PHF3: variants seen among roughly 807,000 people sequenced by gnomAD.
PHF3 encodes the protein PHD finger protein 3.
Under a neutral mutation model 178.4 loss-of-function variants are expected in PHF3, and 41 were observed. That is an observed-to-expected ratio of 0.23 (90% confidence interval 0.18 to 0.30). The LOEUF (loss-of-function observed/expected upper bound fraction) is 0.30, where lower values mean the gene tolerates loss of function less well. Among genes scored for constraint, PHF3 ranks in the 10% least tolerant of loss-of-function variants. The pLI is 1.00. For synonymous variants in PHF3, 842 were observed against 800.5 expected (o/e 1.05, Z -0.88); for missense variants, 2,346 against 2,398.1 (o/e 0.98, Z 0.45).
intron 2 of PHF3, among the ~76,000 whole-genome samples, chr6:63,673,636 T>C (rs1745488133): frequency 6.6e-6 from 1 of 152,164 alleles, no homozygotes; most frequent in Non-Finnish European, 1.5e-5. Context: ...GCAAAACATG[T>C]TTTCTTCAAG....
intron 13 of PHF3, among the ~76,000 whole-genome samples, chr6:63,707,645 C>G (rs545690740): frequency 1.3e-5 from 2 of 151,112 alleles, no homozygotes; most frequent in South Asian, 4.2e-4. Flanking sequence ...CATTTATTCT[C>G]TATCTGCTGA....
At position 63,683,482 on chromosome 6, in the gene PHF3, A is replaced by T. The variant is rs527885661; in HGVS notation, c.407-647A>T. Among the ~76,000 whole-genome samples the T allele has an allele frequency of 4.6e-5, 7 of 152,082 alleles. No individual in the cohort carries two copies. In the East Asian group the frequency reaches 1.3e-3, roughly 29 times the overall value. The stretch of plus-strand genomic sequence containing the variant: ...AATTTTCATACTTTCCTTATGATAC[A>T]TTTGCTTGGTTTAAGTCTTTTAAAT... On this transcript the variant is annotated intron_variant, in intron 3 of 15. Transcript: ENST00000262043.
At chr6:63,702,699 T>G (rs1767526125) in intron 10 of PHF3, 60 bp downstream of exon 10, 1 of 1,482,960 alleles carries the variant, frequency 6.7e-7, no homozygotes, top group African/African-American at 1.4e-5. Context: ...AAAGGTTTAT[T>G]TGCCTAATGT....
Position 63,698,527 on chromosome 6 carries a change from T to G in PHF3, c.2904T>G (p.Ser968=). 6.2e-7 allele frequency: 1 copy of G among 1,602,604 alleles called. No homozygotes were observed. Among genetic ancestry groups the G allele is most frequent in the Non-Finnish European group, 8.5e-7 (1 of 1,175,646 alleles). ...VATKIEKELF[S]FFRDTDAKYK... ...CAAAAATTGAGAAAGAGCTTTTCTCTTTTTTTCGGGACACAGATGCTAAAT... is the reference window on the plus strand; with the variant it reads ...CAAAAATTGAGAAAGAGCTTTTCTCGTTTTTTCGGGACACAGATGCTAAAT... The change falls in exon 8 of 16, where the codon TCT becomes TCG. Residue 968 remains serine, a synonymous_variant. Coordinates refer to ENST00000262043, the MANE Select transcript of PHF3 (RefSeq NM_001370348.2).
chr6:63,699,892 C>G (rs1342735947), intron 8 of PHF3, among the ~76,000 whole-genome samples: 1 of 152,130 alleles, frequency 6.6e-6, no homozygotes, highest in East Asian at 1.9e-4. Context: ...CCCGGCCTCC[C>G]TCAGGTTTCT....
At chr6:63,663,801 C>T (rs868343648) in intron 2 of PHF3, among the ~76,000 whole-genome samples, 4 of 152,222 alleles carry the variant, frequency 2.6e-5, no homozygotes, top group South Asian at 2.1e-4. Flanking sequence ...TTCTACCTTG[C>T]GCTATTATGT....
chr6:63,693,467 T>G (rs573996616), intron 5 of PHF3, among the ~76,000 whole-genome samples: 1 of 152,098 alleles, frequency 6.6e-6, no homozygotes, highest in Non-Finnish European at 1.5e-5. Flanking sequence ...ATACAAAAAT[T>G]AGCCGAGCAT....
In PHF3 at chr6:63,725,205, G is replaced by A. The variant is rs949609675; in HGVS notation, c.*11497G>A. ...GAATCTCTGTAAGTAGTGTCTGATG[G>A]CATAAAAAAGGAAACTCTTGATTGT... is the stretch of plus-strand genomic sequence containing the variant. On this transcript the variant is annotated 3_prime_UTR_variant, in exon 16 of 16. Coordinates refer to ENST00000262043, the MANE Select transcript of PHF3 (RefSeq NM_001370348.2). 6.6e-6 allele frequency among the ~76,000 whole-genome samples: 1 copy of A among 152,018 alleles called. No homozygotes were observed. Among genetic ancestry groups the A allele is most frequent in the Admixed American group, 6.6e-5 (1 of 15,264 alleles).
Position 63,711,720 on chromosome 6 carries a change from C to A in PHF3, c.4132C>A (p.Pro1378Thr), listed in dbSNP as rs371600546. Reference protein sequence around the residue: ...PESAPPIALPPDKKSKIEVST... With the variant: ...PESAPPIALPTDKKSKIEVST... ...AAGTGCACCACCAATAGCATTGCCA[C>A]CTGATAAAAAAAGTAAAATAGAAGT... The change falls in exon 16 of 16, where the codon CCT becomes ACT. Residue 1378 changes from proline (P) to threonine (T), a missense_variant. Around this residue, in one of 8 missense-constraint regions of PHF3, gnomAD observed 839 missense variants for 806.9 expected, o/e 1.04. Coordinates refer to ENST00000262043, the MANE Select transcript of PHF3 (RefSeq NM_001370348.2). 125 of 1,613,730 alleles carry A rather than the reference C, an allele frequency of 7.7e-5. No individual in the cohort carries two copies. Among genetic ancestry groups the A allele is most frequent in the Non-Finnish European group, 1.0e-4 (119 of 1,179,904 alleles).
rs1768184721 is a variant in PHF3, at chr6:63,716,191, A to C, written c.*2483A>C. 6.6e-6 allele frequency among the ~76,000 whole-genome samples: 1 copy of C among 152,146 alleles called. No homozygotes were observed. Among genetic ancestry groups the C allele is most frequent in the South Asian group, 2.1e-4 (1 of 4,834 alleles). ...CTTAGAGCTGAGGAAACTGGAACTT[A>C]GAGAAGTTGGGAAACTTGGCCAGGT... On this transcript the variant is annotated 3_prime_UTR_variant, in exon 16 of 16. Coordinates refer to ENST00000262043, the MANE Select transcript of PHF3 (RefSeq NM_001370348.2).
At chr6:63,679,951 A>G (rs374757388) in intron 2 of PHF3, 49 bp from the exon 3 acceptor site, 23 of 1,477,560 alleles carry the variant, frequency 1.6e-5, no homozygotes, top group Non-Finnish European at 2.1e-5. Flanking sequence ...TTAATTGCCT[A>G]ACATTCCCAA....
chr6:63,667,103 C>A (rs1033745482), intron 2 of PHF3, among the ~76,000 whole-genome samples: 1 of 152,012 alleles, frequency 6.6e-6, no homozygotes, highest in African/African-American at 2.4e-5. Context: ...CCTTGGCCTT[C>A]GAAAGTGCTG....
chr6:63,720,892 CATGGTGCCAT>C lies in PHF3; in HGVS notation c.*7185_*7194del. 1 of 1,550,906 alleles carries C rather than the reference CATGGTGCCAT, an allele frequency of 6.4e-7. No homozygotes were observed. The highest frequency in any genetic ancestry group is 8.7e-7 in the Non-Finnish European group (1 of 1,146,416). ...AGAGTCTGATTTTGAATTACAACTA[CATGGTGCCAT>C]TTATTACAACAGAATGTGCCATTGT... On this transcript the variant is annotated 3_prime_UTR_variant, in exon 16 of 16. Transcript: ENST00000262043.
chr6:63,669,784 A>T (rs972030869), intron 2 of PHF3, among the ~76,000 whole-genome samples: 7 of 152,186 alleles, frequency 4.6e-5, no homozygotes, highest in East Asian at 3.8e-4. Flanking sequence ...AACAGGAAGC[A>T]TTTACTGACT....
Position 63,694,674 on chromosome 6 carries a change from T to A in PHF3, c.2590T>A (p.Leu864Ile). 1 of 1,602,872 alleles carries A rather than the reference T, an allele frequency of 6.2e-7. No homozygotes were observed. Among genetic ancestry groups the A allele is most frequent in the Non-Finnish European group, 8.5e-7 (1 of 1,173,984 alleles). Reference sequence around the variant, plus strand: ...TCTTCGTAAGATGGGACAACCAGTTTTACCTCGGAGATCCTCAGAAGAAAA... The same window carrying A: ...TCTTCGTAAGATGGGACAACCAGTTATACCTCGGAGATCCTCAGAAGAAAA... ...APLRKMGQPV[L>I]PRRSSEEKSE... Residue 864 changes from leucine to isoleucine, a missense_variant, in exon 6 of 16, where the codon TTA becomes ATA. Physicochemically the swap from Leu to Ile is conservative, Grantham distance 5. Around this residue, in one of 8 missense-constraint regions of PHF3, gnomAD observed 252 missense variants for 232.0 expected, o/e 1.09. Coordinates refer to ENST00000262043, the MANE Select transcript of PHF3 (RefSeq NM_001370348.2).
rs567505183 is a variant in PHF3 at position 63,648,460 on chromosome 6, CAT to C, written c.244+1666_244+1667del. ...GGTTATATTGGATGTGGAACTGACA[CAT>C]GTGTCATCTTGTTAGACTATTTTAC... On this transcript the variant is annotated intron_variant, in intron 2 of 15. Coordinates refer to ENST00000262043, the MANE Select transcript of PHF3 (RefSeq NM_001370348.2). Among the ~76,000 whole-genome samples, 371 of 152,290 alleles carry C rather than the reference CAT, an allele frequency of 2.4e-3. 1 individual carries two copies. Among genetic ancestry groups the C allele is most frequent in the African/African-American group, 8.2e-3 (342 of 41,558 alleles).
At chr6:63,656,517 GA>G (rs1362200245) in intron 2 of PHF3, among the ~76,000 whole-genome samples, 2 of 152,124 alleles carry the variant, frequency 1.3e-5, no homozygotes, top group Non-Finnish European at 2.9e-5. Flanking sequence ...GCTGTTACAA[GA>G]GACTTCTTTT....
chr6:63,710,940 G>A (rs112251020), intron 14 of PHF3, among the ~76,000 whole-genome samples: 234 of 152,232 alleles, frequency 1.5e-3, no homozygotes, highest in African/African-American at 4.9e-3. Context: ...TTATGTTTCC[G>A]TAAGAAATGT....
rs181665506 is a variant in PHF3, at chr6:63,717,548, A to C, written c.*3840A>C. Among the ~76,000 whole-genome samples, 1 of 152,196 alleles carries C rather than the reference A, an allele frequency of 6.6e-6. No individual in the cohort carries two copies. The highest frequency in any genetic ancestry group is 6.6e-5 in the Admixed American group (1 of 15,242). On this transcript the variant is annotated 3_prime_UTR_variant, in exon 16 of 16. Coordinates refer to ENST00000262043, the MANE Select transcript of PHF3 (RefSeq NM_001370348.2). ...ATTATAGTAATATGTAGAGCAAAAA[A>C]GTAGTGAGTTGAAAACAGATCAGTA...
Sources: allele counts gnomAD v4.1 joint callset (sites outside exome capture counted in the v4.1 genomes callset), GRCh38; gene constraint gnomAD v4.1.1; regional missense constraint gnomAD v4.1.1; transcripts MANE v1.5; gene names NCBI Gene and HGNC (gene_info 2026-07-23, HGNC 2026-07-21).